The following PDE4D variants were observed in gnomAD, a reference collection of about 807,000 sequenced individuals.
PDE4D encodes phosphodiesterase 4D.
Under a neutral mutation model 87.4 loss-of-function variants are expected in PDE4D, and 24 were observed. That is an observed-to-expected ratio of 0.27 (90% CI 0.20 to 0.39). The LOEUF (loss-of-function observed/expected upper bound fraction) is 0.39. Among genes scored for constraint, PDE4D ranks in the 10% least tolerant of loss-of-function variants. The probability of loss-of-function intolerance (pLI) is 1.00; values close to 1 mark genes in which losing one functional copy is unlikely to be tolerated. For synonymous variants in PDE4D, 384 were observed against 383.2 expected (o/e 1.00, Z -0.02); for missense variants, 714 against 1,041.0 (o/e 0.69, Z 4.32).
chr5:59,101,531 A>T (rs574314124), intron 5 of PDE4D, among the ~76,000 whole-genome samples: 2 of 152,294 alleles, frequency 1.3e-5, no homozygotes, highest in East Asian at 3.9e-4. Flanking sequence ...TTCCAATAGT[A>T]GAGTTAGAAG....
At chr5:59,691,259 A>T (rs1370330582) in intron 1 of PDE4D, among the ~76,000 whole-genome samples, 1 of 152,166 alleles carries the variant, frequency 6.6e-6, no homozygotes, top group African/African-American at 2.4e-5. Context: ...CTGCTATAAG[A>T]CACATGCACA....
At chr5:59,104,269 T>C (rs1294945639) in intron 5 of PDE4D, among the ~76,000 whole-genome samples, 1 of 152,188 alleles carries the variant, frequency 6.6e-6, no homozygotes, top group Admixed American at 6.5e-5. Flanking sequence ...ATGGAACCCA[T>C]AAAGAATTAC....
rs191507082 is a variant in PDE4D, at chr5:60,309,289, G to C, written c.-89-123602C>G. ...GCTAAATTTAAATTCAGATTACAAT[G>C]AATTCTGTTTCCTACAACTTCCATT... On this transcript the variant is annotated intron_variant, in intron 1 of 16. Transcript: ENST00000502484. Among the ~76,000 whole-genome samples the C allele has an allele frequency of 2.6e-5, 4 of 152,166 alleles. No homozygotes were observed. The East Asian group carries it at 7.7e-4, about 29-fold the overall frequency.
chr5:59,452,979 G>T (rs1374019547), intron 1 of PDE4D, among the ~76,000 whole-genome samples: 1 of 149,686 alleles, frequency 6.7e-6, no homozygotes, highest in Non-Finnish European at 1.5e-5. Flanking sequence ...TTAACAAAAT[G>T]GTTTGTGGCA....
intron 1 of PDE4D, among the ~76,000 whole-genome samples, chr5:60,279,425 C>A (rs765726947): frequency 6.6e-6 from 1 of 152,216 alleles, no homozygotes; most frequent in Non-Finnish European, 1.5e-5. Flanking sequence ...CTGACACTAT[C>A]CCAGTGTGGA....
chr5:60,291,757 G>C (rs902775669), intron 1 of PDE4D, among the ~76,000 whole-genome samples: 42 of 152,054 alleles, frequency 2.8e-4, no homozygotes, highest in African/African-American at 9.9e-4. Flanking sequence ...AGAATACAGT[G>C]GGAATTTCTT....
intron 1 of PDE4D, among the ~76,000 whole-genome samples, chr5:60,367,093 A>T (rs1194785708): frequency 6.6e-6 from 1 of 151,522 alleles, no homozygotes; most frequent in African/African-American, 2.4e-5. Flanking sequence ...TGGAGAACCA[A>T]TTTTTTTTTG....
intron 3 of PDE4D, among the ~76,000 whole-genome samples, chr5:59,192,397 G>A (rs987773825): frequency 2.0e-5 from 3 of 152,110 alleles, no homozygotes; most frequent in Non-Finnish European, 4.4e-5. Context: ...TCTTGGAACT[G>A]TTATTTAACA....
intron 1 of PDE4D, among the ~76,000 whole-genome samples, chr5:59,382,209 G>A (rs532586972): frequency 4.0e-4 from 61 of 152,124 alleles, no homozygotes; most frequent in African/African-American, 1.3e-3. Flanking sequence ...TTTACCATAT[G>A]GAATCACATA....
At chr5:59,744,767 T>C (rs948847935) in intron 1 of PDE4D, among the ~76,000 whole-genome samples, 6 of 152,264 alleles carry the variant, frequency 3.9e-5, no homozygotes, top group Middle Eastern at 3.4e-3. Flanking sequence ...GTGAGTAGCA[T>C]TGGGTCATAA....
At chr5:60,445,136 A>C (rs1422794903) in intron 1 of PDE4D, among the ~76,000 whole-genome samples, 1 of 152,168 alleles carries the variant, frequency 6.6e-6, no homozygotes, top group African/African-American at 2.4e-5. Flanking sequence ...GAAGCAAGTG[A>C]GACCAATGGT....
intron 1 of PDE4D, among the ~76,000 whole-genome samples, chr5:59,729,921 G>A (rs906474047): frequency 2.6e-5 from 4 of 151,940 alleles, no homozygotes; most frequent in African/African-American, 7.3e-5. Flanking sequence ...GCAGTCTTTT[G>A]TACACAAATG....
Position 60,304,651 on chromosome 5 carries a change from C to CAAAAAAAAAAAAA in PDE4D, c.-89-118977_-89-118965dup, listed in dbSNP as rs70975379. 1.4e-3 allele frequency among the ~76,000 whole-genome samples: 82 copies of CAAAAAAAAAAAAA among 60,066 alleles called. 1 individual carries two copies. Among genetic ancestry groups the CAAAAAAAAAAAAA allele is most frequent in the African/African-American group, 6.3e-3 (81 of 12,784 alleles). The allele number at this position is 60,066 out of a possible 152,430, so 39.4% of individuals were successfully genotyped here. ...TGGGCGACAGAGCGAGACTCCGTCT[C>CAAAAAAAAAAAAA]AAAAAAAAAAAAAAAAAAAAAAAGA... On this transcript the variant is annotated intron_variant, in intron 1 of 16. Coordinates refer to the PDE4D transcript ENST00000502484.
intron 1 of PDE4D, among the ~76,000 whole-genome samples, chr5:59,796,456 T>A (rs1252324138): frequency 6.6e-6 from 1 of 152,222 alleles, no homozygotes; most frequent in Non-Finnish European, 1.5e-5. Flanking sequence ...CTCTGCCTTT[T>A]ACCAACTCCG....
intron 5 of PDE4D, among the ~76,000 whole-genome samples, chr5:59,087,112 T>C (rs1253868681): frequency 6.6e-6 from 1 of 152,144 alleles, no homozygotes; most frequent in Non-Finnish European, 1.5e-5. Context: ...AGGCAATAAT[T>C]CAAGCATTAG....
At chr5:59,130,392 G>A (rs1776101030) in intron 5 of PDE4D, among the ~76,000 whole-genome samples, 1 of 152,144 alleles carries the variant, frequency 6.6e-6, no homozygotes, top group Admixed American at 6.5e-5. Flanking sequence ...TGAGAGACAA[G>A]CCACGGCATC....
chr5:60,300,493 G>A (rs768713190), intron 1 of PDE4D, among the ~76,000 whole-genome samples: 28 of 152,100 alleles, frequency 1.8e-4, no homozygotes, highest in Non-Finnish European at 3.1e-4. Context: ...GTCCTGAATG[G>A]TAATGCCTAG....
At chr5:59,441,060 A>G (rs1189996396) in intron 1 of PDE4D, among the ~76,000 whole-genome samples, 2 of 152,318 alleles carry the variant, frequency 1.3e-5, no homozygotes, top group East Asian at 3.9e-4. Context: ...TAAAAGTGCT[A>G]TTCTTTGATC....
intron 3 of PDE4D, among the ~76,000 whole-genome samples, chr5:59,945,229 C>A (rs1210739573): frequency 6.6e-6 from 1 of 152,136 alleles, no homozygotes; most frequent in Non-Finnish European, 1.5e-5. Flanking sequence ...TGGCAATTTG[C>A]CACAAACTCT....
Sources: allele counts gnomAD v4.1 joint callset (sites outside exome capture counted in the v4.1 genomes callset), GRCh38; gene constraint gnomAD v4.1.1; transcripts MANE v1.5; gene names NCBI Gene and HGNC (gene_info 2026-07-23, HGNC 2026-07-21).